Variants in TJP1 observed in about 807,000 individuals in gnomAD.
The protein encoded by TJP1 is tight junction protein ZO-1.
A neutral mutation model predicts 194.2 loss-of-function variants in TJP1; 43 were observed. The observed-to-expected ratio is 0.22, with a 90% CI of 0.17 to 0.29. The LOEUF is 0.29. Ranked by LOEUF, TJP1 falls within the 10% of genes least tolerant of loss-of-function variation. TJP1 has a pLI of 1.00. For missense variants in TJP1, 1,971 were observed against 2,185.7 expected, an observed-to-expected ratio of 0.90 and a Z score of 1.96; for synonymous variants, 801 against 779.0, an observed-to-expected ratio of 1.03 and a Z score of -0.47.
chr15:29,946,449 C>T (rs2055285535), intron 2 of TJP1, among the ~76,000 whole-genome samples: 1 of 152,212 alleles, frequency 6.6e-6, no homozygotes, highest in Admixed American at 6.5e-5. Flanking sequence ...GTGAGAGAAT[C>T]TGGCAGACGC....
At chr15:29,928,829 C>CT (rs1259403429) in intron 2 of TJP1, among the ~76,000 whole-genome samples, 1 of 152,042 alleles carries the variant, frequency 6.6e-6, no homozygotes, top group African/African-American at 2.4e-5. Flanking sequence ...GTAGTCCCAG[C>CT]TACTCGGGAG....
At chr15:29,950,228 T>TCCA (rs2055685937) in intron 2 of TJP1, among the ~76,000 whole-genome samples, 1 of 110,924 alleles carries the variant, frequency 9.0e-6, no homozygotes, top group African/African-American at 3.4e-5. Context: ...CACCGCTACC[T>TCCA]CCACCACCAC....
intron 2 of TJP1, among the ~76,000 whole-genome samples, chr15:29,784,680 G>A (rs2047585695): frequency 1.3e-5 from 2 of 152,014 alleles, no homozygotes; most frequent in South Asian, 4.2e-4. Flanking sequence ...CAAGAACACA[G>A]GAAATATTGT....
chr15:29,746,359 CAG>C (rs1408008484), intron 8 of TJP1, among the ~76,000 whole-genome samples: 1 of 149,644 alleles, frequency 6.7e-6, no homozygotes, highest in Non-Finnish European at 1.5e-5. Context: ...GCCTGGACGA[CAG>C]AGTGAGACTC....
At chr15:29,908,759 C>T (rs145106037) in intron 2 of TJP1, among the ~76,000 whole-genome samples, 4,478 of 152,186 alleles carry the variant, frequency 0.029, 220 homozygotes, top group African/African-American at 0.1. Context: ...CAGCTCATGC[C>T]TGTAATCCCA....
intron 2 of TJP1, among the ~76,000 whole-genome samples, chr15:29,884,979 A>G (rs2152141179): frequency 6.6e-6 from 1 of 152,312 alleles, no homozygotes; most frequent in South Asian, 2.1e-4. Context: ...GCAAGTGTAA[A>G]CATTAAAGGC....
At chr15:29,812,729 A>C (rs938972102) in intron 1 of TJP1, among the ~76,000 whole-genome samples, 4 of 152,242 alleles carry the variant, frequency 2.6e-5, no homozygotes, top group Admixed American at 2.0e-4. Context: ...ACCTGTAAAA[A>C]CAGAGATAAT....
intron 18 of TJP1, 115 bp downstream of exon 18, chr15:29,726,264 C>T (rs963927635): frequency 4.2e-5 from 37 of 876,830 alleles, no homozygotes; most frequent in Non-Finnish European, 6.4e-5. Context: ...AGCTAACTTT[C>T]CCCAAATTTC....
chr15:29,811,367 G>A (rs2049489182), intron 1 of TJP1, among the ~76,000 whole-genome samples: 1 of 148,348 alleles, frequency 6.7e-6, no homozygotes, highest in Non-Finnish European at 1.5e-5. Flanking sequence ...ATTGTAAGGG[G>A]AAGAGGGGGG....
chr15:29,757,716 G>C (rs1402401438), intron 8 of TJP1, among the ~76,000 whole-genome samples: 1 of 152,174 alleles, frequency 6.6e-6, no homozygotes, highest in Non-Finnish European at 1.5e-5. Context: ...TTCTGTAGTT[G>C]AAGTTACCTT....
At chr15:29,760,498 C>T (rs535093996) in intron 8 of TJP1, among the ~76,000 whole-genome samples, 5 of 152,120 alleles carry the variant, frequency 3.3e-5, no homozygotes, top group Admixed American at 6.5e-5. Context: ...GTCTCAGCCT[C>T]CCGAGTAGCT....
intron 27 of TJP1, among the ~76,000 whole-genome samples, chr15:29,703,708 T>C (rs898199186): frequency 4.6e-5 from 7 of 152,084 alleles, no homozygotes; most frequent in African/African-American, 1.7e-4. Flanking sequence ...AGTGGCACGA[T>C]CTTGGCTCAC....
chr15:29,751,459 A>G (rs995692012), intron 8 of TJP1, among the ~76,000 whole-genome samples: 6 of 152,230 alleles, frequency 3.9e-5, no homozygotes, highest in African/African-American at 1.4e-4. Flanking sequence ...TTCTCATCTT[A>G]AACATTCATC....
intron 2 of TJP1, among the ~76,000 whole-genome samples, chr15:29,913,282 T>C (rs1457258859): frequency 1.3e-5 from 2 of 152,190 alleles, no homozygotes; most frequent in African/African-American, 2.4e-5. Context: ...TAGTAAAGTG[T>C]TTAGACAAAG....
At chr15:29,711,370 CT>C (rs1017756323) in intron 23 of TJP1, among the ~76,000 whole-genome samples, 14 of 152,094 alleles carry the variant, frequency 9.2e-5, no homozygotes, top group Non-Finnish European at 1.9e-4. Context: ...CTGAGACCCA[CT>C]TTTTTTGTTT....
intron 2 of TJP1, among the ~76,000 whole-genome samples, chr15:29,845,792 G>T (rs1333080918): frequency 6.6e-6 from 1 of 152,124 alleles, no homozygotes; most frequent in African/African-American, 2.4e-5. Flanking sequence ...GACAGGGCGA[G>T]ACTCCATCTC....
chr15:29,720,452 T>C lies in TJP1; in HGVS notation c.2669A>G (p.His890Arg), dbSNP rs143450410. ...GTAAGGAGGATATGTTTGGTTTTCA[T>C]GATGCATTCCAGAGGAGTCCTCTCT... ...PVREDSSGMH[H>R]ENQTYPPYSP... The change falls in exon 19 of 28, where the codon CAT (histidine) becomes CGT (arginine). Residue 890 changes from histidine (H) to arginine (R), a missense_variant. By Grantham distance (29) the His-to-Arg change is conservative. Coordinates refer to ENST00000614355, the MANE Select transcript of TJP1 (RefSeq NM_001330239.4). 6.2e-7 allele frequency: 1 copy of C among 1,614,182 alleles called. No homozygotes were observed. The highest frequency in any genetic ancestry group is 8.5e-7 in the Non-Finnish European group (1 of 1,180,030).
At chr15:29,902,569 C>G (rs749333711) in intron 2 of TJP1, among the ~76,000 whole-genome samples, 7 of 152,096 alleles carry the variant, frequency 4.6e-5, no homozygotes, top group Admixed American at 2.6e-4. Flanking sequence ...TGTCATGAAC[C>G]TGTTCTGTAT....
intron 4 of TJP1, among the ~76,000 whole-genome samples, chr15:29,767,024 T>C (rs972127407): frequency 6.6e-6 from 1 of 152,198 alleles, no homozygotes; most frequent in African/African-American, 2.4e-5. Flanking sequence ...ATTTATTCTA[T>C]AGCCGCACTA....
Sources: gnomAD v4.1 joint callset for allele counts (sites outside exome capture counted in the v4.1 genomes callset) on GRCh38, gnomAD v4.1.1 for gene constraint, MANE v1.5 for transcripts, NCBI Gene and HGNC (gene_info 2026-07-23, HGNC 2026-07-21) for gene names.